The following ANKRD17 variants were observed in gnomAD, a reference collection of about 807,000 sequenced individuals.
ANKRD17 encodes ankyrin repeat domain-containing protein 17.
In ANKRD17, 19 loss-of-function variants were observed where a neutral mutation model predicts 229.7. The observed-to-expected ratio is 0.08, with a 90% confidence interval of 0.06 to 0.12. The LOEUF is 0.12. Among genes scored for constraint, ANKRD17 ranks in the 10% least tolerant of loss-of-function variants. The pLI is 1.00. For synonymous variants in ANKRD17, 1,112 were observed against 1,146.1 expected, an observed-to-expected ratio of 0.97 and a Z score of 0.60; for missense variants, 2,176 against 3,176.8, an observed-to-expected ratio of 0.68 and a Z score of 7.57.
chr4:73,172,521 C>G (rs1382750823), intron 2 of ANKRD17, among the ~76,000 whole-genome samples: 3 of 152,210 alleles, frequency 2.0e-5, no homozygotes, highest in Admixed American at 6.5e-5. Flanking sequence ...TATTATAACA[C>G]TGTACCTGTG....
chr4:73,211,640 A>G (rs1421899065), intron 1 of ANKRD17, among the ~76,000 whole-genome samples: 1 of 152,078 alleles, frequency 6.6e-6, no homozygotes, highest in Non-Finnish European at 1.5e-5. Flanking sequence ...TGAGGTCAGG[A>G]GTTCGAGACT....
chr4:73,235,385 G>T (rs1039749858), intron 1 of ANKRD17, among the ~76,000 whole-genome samples: 1 of 152,160 alleles, frequency 6.6e-6, no homozygotes, highest in Non-Finnish European at 1.5e-5. Flanking sequence ...TTCAAGTTTA[G>T]ATCCATCTAT....
Position 73,102,405 on chromosome 4 carries a change from G to A in ANKRD17, c.4544C>T (p.Ala1515Val). 2 of 1,590,524 alleles carry A rather than the reference G, an allele frequency of 1.3e-6. No individual in the cohort carries two copies. Among genetic ancestry groups the A allele is most frequent in the South Asian group, 1.2e-5 (1 of 84,534 alleles). Residue 1515 changes from alanine to valine, a missense_variant, in exon 25 of 34, where the codon GCT (alanine) becomes GTT (valine). Ala to Val is a moderately conservative substitution (Grantham distance 64). Transcript: ENST00000358602. ...KNKENFELQA[A>V]QEKEKLKVED... ...AACTTTAAGCTTTTCTTTTTCTTGA[G>A]CAGCTTGGAGTTCAAAGTTCTCTTT...
chr4:73,193,659 C>T (rs1047943703), intron 1 of ANKRD17, among the ~76,000 whole-genome samples: 1 of 152,052 alleles, frequency 6.6e-6, no homozygotes, highest in African/African-American at 2.4e-5. Flanking sequence ...TGGCTGGGTC[C>T]CTGAGGCTCA....
chr4:73,169,472 G>A (rs1240975926), intron 2 of ANKRD17, among the ~76,000 whole-genome samples: 2 of 151,476 alleles, frequency 1.3e-5, no homozygotes, highest in African/African-American at 4.8e-5. Flanking sequence ...CACCCTGAAG[G>A]GAAAAAAAAA....
At chr4:73,201,674 T>A (rs887718501) in intron 1 of ANKRD17, among the ~76,000 whole-genome samples, 13 of 152,298 alleles carry the variant, frequency 8.5e-5, no homozygotes, top group African/African-American at 2.9e-4. Context: ...TTCTATGAGA[T>A]TTTGTAATTA....
At chr4:73,163,241 C>T (rs1732776088) in intron 2 of ANKRD17, among the ~76,000 whole-genome samples, 1 of 152,004 alleles carries the variant, frequency 6.6e-6, no homozygotes, top group African/African-American at 2.4e-5. Context: ...GGGCCTGGCA[C>T]CTACATATTT....
intron 1 of ANKRD17, among the ~76,000 whole-genome samples, chr4:73,257,069 G>A (rs1405616503): frequency 6.6e-6 from 1 of 152,192 alleles, no homozygotes; most frequent in Non-Finnish European, 1.5e-5. Flanking sequence ...CATGTTTGTG[G>A]AAGAGAATAA....
chr4:73,218,607 C>T (rs149556881), intron 1 of ANKRD17, among the ~76,000 whole-genome samples: 5 of 144,534 alleles, frequency 3.5e-5, no homozygotes, highest in African/African-American at 1.0e-4. Flanking sequence ...CATGCCACTG[C>T]ACTCTAGCCT....
intron 1 of ANKRD17, among the ~76,000 whole-genome samples, chr4:73,218,926 T>C (rs1044895188): frequency 2.0e-5 from 3 of 152,018 alleles, no homozygotes; most frequent in Non-Finnish European, 2.9e-5. Flanking sequence ...CTGGGTGTGG[T>C]GGCATGCACC....
chr4:73,091,709 G>T lies in ANKRD17; in HGVS notation c.5919C>A (p.Thr1973=), dbSNP rs140104739. ...CAGGCACCGTTGAAGCTGATGAACT[G>T]GTTGTAGTTGTTGGGCTTGAAGTTA... ...GSLTSSPTTT[T]SSSASTVPGT... The change falls in exon 29 of 34, where the codon ACC becomes ACA. Residue 1973 remains threonine, a synonymous_variant. Transcript: ENST00000358602. 464 of 1,614,216 alleles carry T rather than the reference G, an allele frequency of 2.9e-4. 2 individuals carry two copies. In the East Asian group the frequency reaches 9.8e-3, roughly 34 times the overall value.
intron 15 of ANKRD17, among the ~76,000 whole-genome samples, chr4:73,135,813 T>C (rs1476839174): frequency 6.6e-6 from 1 of 152,178 alleles, no homozygotes; most frequent in East Asian, 1.9e-4. Flanking sequence ...TGTAGCCCTC[T>C]GGAATGACAG....
chr4:73,101,287 T>C, intron 25 of ANKRD17: 1 of 878,020 alleles, frequency 1.1e-6, no homozygotes, highest in Non-Finnish European at 1.4e-6. Flanking sequence ...GGATTGTAGA[T>C]GATATTATGA....
At chr4:73,118,142 G>A (rs1726217731) in intron 22 of ANKRD17, among the ~76,000 whole-genome samples, 1 of 151,958 alleles carries the variant, frequency 6.6e-6, no homozygotes, top group Non-Finnish European at 1.5e-5. Flanking sequence ...TCAGCCTCCT[G>A]AGTAGCTGGG....
intron 1 of ANKRD17, among the ~76,000 whole-genome samples, chr4:73,212,669 T>C (rs906947749): frequency 2.0e-5 from 3 of 152,116 alleles, no homozygotes; most frequent in African/African-American, 7.2e-5. Flanking sequence ...TGTGTGAACA[T>C]TTAAACCCAC....
At chr4:73,122,957 A>G (rs1726953121) in intron 18 of ANKRD17, among the ~76,000 whole-genome samples, 1 of 152,114 alleles carries the variant, frequency 6.6e-6, no homozygotes, top group African/African-American at 2.4e-5. Context: ...TTTTTATAGT[A>G]AAATGACTTT....
At chr4:73,180,854 C>G (rs1425518667) in intron 1 of ANKRD17, among the ~76,000 whole-genome samples, 1 of 152,076 alleles carries the variant, frequency 6.6e-6, no homozygotes, top group African/African-American at 2.4e-5. Context: ...AACTTTAGAC[C>G]CCCAATTCTG....
rs995575981 is a variant in ANKRD17 at position 73,074,790 on chromosome 4, A to G, written c.*1441T>C. On this transcript the variant is annotated 3_prime_UTR_variant, in exon 34 of 34. Coordinates refer to ENST00000358602, the MANE Select transcript of ANKRD17 (RefSeq NM_032217.5). Reference sequence around the variant, plus strand: ...AAAAAGAAGACAAATTGATATATACATTACTCGATTTTTATGCTTACTTTC... The same window carrying G: ...AAAAAGAAGACAAATTGATATATACGTTACTCGATTTTTATGCTTACTTTC... 2.0e-5 allele frequency: 3 copies of G among 152,414 alleles called. No homozygotes were observed. The highest frequency in any genetic ancestry group is 7.2e-5 in the African/African-American group (3 of 41,442). The allele number at this position is 152,414 out of a possible 1,614,324, so 9.4% of individuals were successfully genotyped here.
intron 1 of ANKRD17, among the ~76,000 whole-genome samples, chr4:73,200,991 G>A (rs966115382): frequency 1.4e-4 from 16 of 114,780 alleles, no homozygotes; most frequent in Admixed American, 1.1e-3. Context: ...TATGGGCGGG[G>A]GGGGGGGGAG....
Sources: allele counts gnomAD v4.1 joint callset (sites outside exome capture counted in the v4.1 genomes callset), GRCh38; gene constraint gnomAD v4.1.1; transcripts MANE v1.5; gene names NCBI Gene and HGNC (gene_info 2026-07-23, HGNC 2026-07-21).